SYT1: variants seen among roughly 807,000 people sequenced by gnomAD.
SYT1 encodes the protein synaptotagmin 1.
In SYT1, 8 loss-of-function variants were observed where a neutral mutation model predicts 44.8. The ratio of observed to expected loss-of-function variants is 0.18; its 90% CI spans 0.10 to 0.32. SYT1 has a LOEUF of 0.32. Ranked by LOEUF, SYT1 falls within the 10% of genes least tolerant of loss-of-function variation. SYT1 has a pLI of 1.00. For synonymous variants in SYT1, 154 were observed against 188.8 expected, an observed-to-expected ratio of 0.82 and a Z score of 1.51; for missense variants, 286 against 509.3, an observed-to-expected ratio of 0.56 and a Z score of 4.22.
chr12:79,366,374 C>T lies in SYT1; in HGVS notation c.928+12755C>T, dbSNP rs143677362. ...AGTCTGAACTTTCATTTTAATAACT[C>T]CATTAAAATATAAAAACCTTAAAAG... On this transcript the variant is annotated intron_variant, in intron 9 of 10. Transcript: ENST00000261205. 4.4e-3 allele frequency among the ~76,000 whole-genome samples: 666 copies of T among 152,324 alleles called. 3 individuals are homozygous for T. The highest frequency in any genetic ancestry group is 0.014 in the African/African-American group (596 of 41,570).
At chr12:79,130,419 C>T (rs1868734775) in intron 3 of SYT1, among the ~76,000 whole-genome samples, 1 of 152,120 alleles carries the variant, frequency 6.6e-6, no homozygotes, top group Non-Finnish European at 1.5e-5. Context: ...TGAGTCTCAC[C>T]ATCGTATTGT....
At chr12:79,284,227 T>C (rs1592929330) in intron 4 of SYT1, among the ~76,000 whole-genome samples, 1 of 152,180 alleles carries the variant, frequency 6.6e-6, no homozygotes, top group Non-Finnish European at 1.5e-5. Context: ...TTATTTTTTA[T>C]AAGCACATGG....
chr12:79,129,674 A>C (rs1263029573), intron 3 of SYT1, among the ~76,000 whole-genome samples: 1 of 152,244 alleles, frequency 6.6e-6, no homozygotes, highest in Non-Finnish European at 1.5e-5. Context: ...AAGTGTGCTA[A>C]GAGTTCAAAA....
At chr12:78,973,916 CAAAA>C (rs1162433648) in intron 1 of SYT1, among the ~76,000 whole-genome samples, 162 of 9,026 alleles carry the variant, frequency 0.018, no homozygotes, top group Non-Finnish European at 0.022. Flanking sequence ...AGACGAACAC[CAAAA>C]AAAAAAAAAA....
intron 1 of SYT1, among the ~76,000 whole-genome samples, chr12:78,954,124 C>T (rs1346788211): frequency 6.6e-6 from 1 of 152,032 alleles, no homozygotes; most frequent in African/African-American, 2.4e-5. Context: ...TAGATCATGT[C>T]ATCTTTCAGG....
At chr12:79,120,741 T>C (rs1426195323) in intron 3 of SYT1, among the ~76,000 whole-genome samples, 1 of 152,106 alleles carries the variant, frequency 6.6e-6, no homozygotes, top group Non-Finnish European at 1.5e-5. Flanking sequence ...AAGATGTTCC[T>C]AAATGTCTCA....
Position 79,064,776 on chromosome 12 carries a change from CAACT to C in SYT1, c.-18+17420_-18+17423del, listed in dbSNP as rs150924606. On this transcript the variant is annotated intron_variant, in intron 3 of 10. Coordinates refer to ENST00000261205, the MANE Select transcript of SYT1 (RefSeq NM_005639.3). ...TAATTTACACCAGCACTTCCAATAA[CAACT>C]AACTATTCTGCACCCCAAACACACA... Among the ~76,000 whole-genome samples the C allele has an allele frequency of 5.4e-3, 814 of 151,448 alleles. 42 individuals are homozygous for C. The East Asian group carries it at 0.14, about 25-fold the overall frequency.
At chr12:78,864,533 C>G (rs1323959707), upstream of SYT1, 1 of 152,416 alleles carries the variant, frequency 6.6e-6, no homozygotes, top group Admixed American at 6.6e-5. Flanking sequence ...GCCTCCACCC[C>G]GCTTCCCAGG....
chr12:79,333,166 A>T (rs74107420), intron 8 of SYT1, among the ~76,000 whole-genome samples: 3,307 of 152,210 alleles, frequency 0.022, 123 homozygotes, highest in African/African-American at 0.071. Context: ...GTGGCTCATA[A>T]ACAACAAAAA....
At chr12:78,925,239 A>T (rs1294969662) in intron 1 of SYT1, among the ~76,000 whole-genome samples, 1 of 151,882 alleles carries the variant, frequency 6.6e-6, no homozygotes, top group African/African-American at 2.4e-5. Flanking sequence ...CTTAGTTACC[A>T]TTGGCCACAA....
chr12:79,174,228 A>G (rs558744098), intron 3 of SYT1, among the ~76,000 whole-genome samples: 2 of 152,204 alleles, frequency 1.3e-5, no homozygotes, highest in South Asian at 4.1e-4. Context: ...AAATGTTGGC[A>G]CAATGTGGTG....
At chr12:79,420,708 G>C (rs1346977667) in intron 9 of SYT1, among the ~76,000 whole-genome samples, 3 of 152,120 alleles carry the variant, frequency 2.0e-5, no homozygotes, top group Non-Finnish European at 4.4e-5. Flanking sequence ...CTAAAGCAGT[G>C]GTTTGTAATC....
At chr12:79,290,041 A>G (rs1879501490) in intron 5 of SYT1, among the ~76,000 whole-genome samples, 1 of 152,182 alleles carries the variant, frequency 6.6e-6, no homozygotes, top group South Asian at 2.1e-4. Flanking sequence ...TAACATTCAA[A>G]GAAACAATGA....
intron 2 of SYT1, among the ~76,000 whole-genome samples, chr12:78,988,841 G>C (rs1160165088): frequency 1.3e-5 from 2 of 152,096 alleles, no homozygotes; most frequent in Non-Finnish European, 2.9e-5. Flanking sequence ...TCCAGTTTCT[G>C]TATAGAAGAC....
rs569878195 is a variant in SYT1 at position 79,338,843 on chromosome 12, C to T, written c.811-14659C>T. ...CCATCCCCCGACCCCACAACAGGCC[C>T]GTGTGTGATGTTCCCCACCCTGTGT... is the stretch of plus-strand genomic sequence containing the variant. On this transcript the variant is annotated intron_variant, in intron 8 of 10. Coordinates refer to ENST00000261205, the MANE Select transcript of SYT1 (RefSeq NM_005639.3). Among the ~76,000 whole-genome samples, 7 of 151,812 alleles carry T rather than the reference C, an allele frequency of 4.6e-5. No individual in the cohort carries two copies. In the East Asian group the frequency reaches 7.8e-4, roughly 17 times the overall value.
intron 1 of SYT1, among the ~76,000 whole-genome samples, chr12:78,952,072 A>G (rs1051442079): frequency 1.3e-5 from 2 of 152,166 alleles, no homozygotes; most frequent in African/African-American, 4.8e-5. Context: ...TTATGAGCAT[A>G]CAACCCAAAA....
intron 9 of SYT1, among the ~76,000 whole-genome samples, chr12:79,359,438 A>G (rs1883236058): frequency 1.3e-5 from 2 of 152,132 alleles, no homozygotes; most frequent in African/African-American, 4.8e-5. Context: ...CCTTGTTACT[A>G]TGAAATGAAA....
At chr12:78,955,644 C>T (rs1879170648) in intron 1 of SYT1, 1 of 152,054 alleles carries the variant, frequency 6.6e-6, no homozygotes, top group Non-Finnish European at 1.5e-5. Flanking sequence ...AGGCCCACCT[C>T]TTAATGCCAT....
intron 4 of SYT1, among the ~76,000 whole-genome samples, chr12:79,241,573 A>G (rs889774866): frequency 1.3e-5 from 2 of 152,202 alleles, no homozygotes; most frequent in Admixed American, 1.3e-4. Context: ...CTGACTTTGA[A>G]TGTGTTTCCC....
Sources: gnomAD v4.1 joint callset for allele counts (sites outside exome capture counted in the v4.1 genomes callset) on GRCh38, gnomAD v4.1.1 for gene constraint, MANE v1.5 for transcripts, NCBI Gene and HGNC (gene_info 2026-07-23, HGNC 2026-07-21) for gene names.